The following ESRRG variants were observed in gnomAD, a reference collection of about 807,000 sequenced individuals.
ESRRG encodes estrogen related receptor gamma, also known as estrogen-related receptor gamma.
In ESRRG, 13 loss-of-function variants were observed where a neutral mutation model predicts 44.0. That is an observed-to-expected ratio of 0.30 (90% CI 0.19 to 0.47). The LOEUF (loss-of-function observed/expected upper bound fraction) is 0.47, where lower values mean the gene tolerates loss of function less well. Ranked by LOEUF, ESRRG falls within the 20% of genes least tolerant of loss-of-function variation. The probability of loss-of-function intolerance (pLI) is 1.00; values close to 1 mark genes in which losing one functional copy is unlikely to be tolerated. For missense variants in ESRRG, 395 were observed against 580.6 expected, an observed-to-expected ratio of 0.68 and a Z score of 3.29; for synonymous variants, 215 against 214.6, an observed-to-expected ratio of 1.00 and a Z score of -0.02.
intron 2 of ESRRG, among the ~76,000 whole-genome samples, chr1:216,885,705 T>C (rs1016194829): frequency 6.6e-6 from 1 of 152,176 alleles, no homozygotes; most frequent in Non-Finnish European, 1.5e-5. Flanking sequence ...TTTAGATTCA[T>C]AGGAAAGTTT....
chr1:216,859,681 A>T (rs1023212054), intron 2 of ESRRG, among the ~76,000 whole-genome samples: 2 of 152,164 alleles, frequency 1.3e-5, no homozygotes, highest in African/African-American at 4.8e-5. Context: ...TTTACTCAAA[A>T]ATGGTAAATA....
At chr1:216,841,010 A>C (rs766961320) in intron 2 of ESRRG, among the ~76,000 whole-genome samples, 52 of 152,162 alleles carry the variant, frequency 3.4e-4, no homozygotes, top group Non-Finnish European at 2.8e-4. Context: ...GAAAAATGGC[A>C]GTAGGTTTGC....
chr1:217,134,062 T>C (rs1046819637), intron 1 of ESRRG, among the ~76,000 whole-genome samples: 3 of 152,052 alleles, frequency 2.0e-5, no homozygotes, highest in African/African-American at 4.8e-5. Flanking sequence ...GAGGGCCAGG[T>C]TGAGAATCTG....
At chr1:216,619,003 T>C (rs950516896) in intron 3 of ESRRG, among the ~76,000 whole-genome samples, 1 of 152,210 alleles carries the variant, frequency 6.6e-6, no homozygotes, top group Admixed American at 6.5e-5. Flanking sequence ...TTGAGTCTCA[T>C]GAGTGGCAAA....
intron 2 of ESRRG, among the ~76,000 whole-genome samples, chr1:216,835,162 T>A (rs551217617): frequency 6.6e-6 from 1 of 152,198 alleles, no homozygotes; most frequent in South Asian, 2.1e-4. Flanking sequence ...TAATCAGAGT[T>A]GAATCTTTGG....
intron 2 of ESRRG, 47 bp from the exon 3 acceptor site, chr1:216,651,136 G>A (rs764154722): frequency 7.3e-6 from 9 of 1,232,086 alleles, no homozygotes; most frequent in Non-Finnish European, 9.6e-6. Context: ...CAAGATCCAG[G>A]AAACATTAGC....
At chr1:216,871,865 G>A (rs1417813181) in intron 2 of ESRRG, among the ~76,000 whole-genome samples, 1 of 152,014 alleles carries the variant, frequency 6.6e-6, no homozygotes, top group East Asian at 1.9e-4. Context: ...GAAAAGAATT[G>A]TCTATTATAG....
intron 2 of ESRRG, among the ~76,000 whole-genome samples, chr1:216,834,451 C>T (rs529067340): frequency 2.0e-5 from 3 of 151,854 alleles, no homozygotes; most frequent in Non-Finnish European, 4.4e-5. Context: ...TAACTCTACC[C>T]GTAATATAAA....
chr1:216,625,359 AG>A (rs2062993455), intron 3 of ESRRG, among the ~76,000 whole-genome samples: 1 of 143,560 alleles, frequency 7.0e-6, no homozygotes, highest in East Asian at 2.1e-4. Flanking sequence ...ATGTCCCAAT[AG>A]TACCATTTGA....
chr1:216,878,530 T>A (rs1220732429), intron 2 of ESRRG, among the ~76,000 whole-genome samples: 1 of 152,214 alleles, frequency 6.6e-6, no homozygotes, highest in Non-Finnish European at 1.5e-5. Flanking sequence ...TCTTTCATAG[T>A]TTTACCTTCC....
intron 2 of ESRRG, among the ~76,000 whole-genome samples, chr1:216,892,810 C>T (rs1174479751): frequency 2.0e-5 from 3 of 152,084 alleles, no homozygotes; most frequent in Non-Finnish European, 2.9e-5. Flanking sequence ...TTTAATCGTC[C>T]TCTCCACCAC....
At chr1:216,953,078 T>C (rs541489405) in intron 1 of ESRRG, among the ~76,000 whole-genome samples, 1 of 152,266 alleles carries the variant, frequency 6.6e-6, no homozygotes, top group Non-Finnish European at 1.5e-5. Flanking sequence ...ATGAATTGGC[T>C]GCTTCGAGCT....
At chr1:216,696,371 A>G (rs1373550814) in intron 1 of ESRRG, among the ~76,000 whole-genome samples, 1 of 152,208 alleles carries the variant, frequency 6.6e-6, no homozygotes, top group Non-Finnish European at 1.5e-5. Flanking sequence ...TTAACACTTT[A>G]ATCTTCTAAA....
rs946754740 is a variant in ESRRG at position 216,799,602 on chromosome 1, A to G, written c.-13-122111T>C. Among the ~76,000 whole-genome samples the G allele has an allele frequency of 1.4e-4, 22 of 152,186 alleles. 1 individual carries two copies. The highest frequency in any genetic ancestry group is 6.6e-5 in the Admixed American group (1 of 15,256). Reference sequence around the variant, plus strand: ...GTTTCTCAATTCAGACTCTAGATGGACTGGAAAGAATGTATACGAAAGAAA... The same window carrying G: ...GTTTCTCAATTCAGACTCTAGATGGGCTGGAAAGAATGTATACGAAAGAAA... On this transcript the variant is annotated intron_variant, in intron 2 of 7. Transcript: ENST00000359162.
chr1:216,613,681 T>C (rs1299231189), intron 3 of ESRRG, among the ~76,000 whole-genome samples: 1 of 152,204 alleles, frequency 6.6e-6, no homozygotes, highest in Non-Finnish European at 1.5e-5. Context: ...CACATCCTGC[T>C]TAGAAAACTT....
At chr1:216,897,792 C>A (rs1322702550) in intron 2 of ESRRG, among the ~76,000 whole-genome samples, 1 of 148,088 alleles carries the variant, frequency 6.8e-6, no homozygotes, top group South Asian at 2.1e-4. Context: ...TCTGAAGAAC[C>A]CAGTCCTTTA....
At chr1:216,715,130 G>C (rs2084559321) in intron 1 of ESRRG, 1 of 985,340 alleles carries the variant, frequency 1.0e-6, no homozygotes, top group Non-Finnish European at 1.2e-6. Flanking sequence ...CCTTCCTTTA[G>C]ATGTGTAGAG....
chr1:216,678,948 A>T (rs1355504123), intron 1 of ESRRG, among the ~76,000 whole-genome samples: 1 of 152,186 alleles, frequency 6.6e-6, no homozygotes, highest in Non-Finnish European at 1.5e-5. Context: ...TGTTACTTCA[A>T]AATGAAGAAA....
At chr1:217,081,718 A>G (rs2091783802) in intron 1 of ESRRG, among the ~76,000 whole-genome samples, 1 of 152,190 alleles carries the variant, frequency 6.6e-6, no homozygotes, top group Admixed American at 6.5e-5. Context: ...AGCTGGGATT[A>G]CAGGTGTAAG....
Sources: gnomAD v4.1 joint callset for allele counts (sites outside exome capture counted in the v4.1 genomes callset) on GRCh38, gnomAD v4.1.1 for gene constraint, MANE v1.5 for transcripts, NCBI Gene and HGNC (gene_info 2026-07-23, HGNC 2026-07-21) for gene names.